The following ROBO1 variants were observed in gnomAD, a reference collection of about 807,000 sequenced individuals.
ROBO1 encodes the protein roundabout guidance receptor 1.
In ROBO1, 149 loss-of-function variants were observed where a neutral mutation model predicts 195.9. That is an observed-to-expected ratio of 0.76 (90% CI 0.67 to 0.87). The LOEUF is 0.87. Ranked by LOEUF, ROBO1 falls within the 40% of genes least tolerant of loss-of-function variation. The probability of loss-of-function intolerance (pLI) is 0.00; values close to 1 mark genes in which losing one functional copy is unlikely to be tolerated. For synonymous variants in ROBO1, 816 were observed against 733.2 expected (o/e 1.11, Z -1.82); for missense variants, 1,933 against 2,068.3 (o/e 0.93, Z 1.27).
intron 2 of ROBO1, among the ~76,000 whole-genome samples, chr3:79,531,303 C>G (rs2107612063): frequency 6.6e-6 from 1 of 152,226 alleles, no homozygotes; most frequent in South Asian, 2.1e-4. Flanking sequence ...TACTCAGCAG[C>G]TATGTAAATA....
chr3:79,124,130 G>A (rs1185587200), intron 3 of ROBO1, among the ~76,000 whole-genome samples: 3 of 151,960 alleles, frequency 2.0e-5, no homozygotes, highest in African/African-American at 7.2e-5. Context: ...TGGTATTGAC[G>A]GTATTAAGGG....
At chr3:78,932,131 G>T (rs912054137) in intron 4 of ROBO1, among the ~76,000 whole-genome samples, 2 of 152,098 alleles carry the variant, frequency 1.3e-5, no homozygotes, top group African/African-American at 4.8e-5. Context: ...ATATGAGAAA[G>T]ATTTCTAGCA....
At chr3:79,050,567 C>A (rs909508016) in intron 3 of ROBO1, among the ~76,000 whole-genome samples, 2 of 152,120 alleles carry the variant, frequency 1.3e-5, no homozygotes, top group Admixed American at 6.6e-5. Flanking sequence ...ATCTACTGAA[C>A]TCTCCACCCC....
intron 4 of ROBO1, among the ~76,000 whole-genome samples, chr3:78,772,728 A>AGAT (rs1483479526): frequency 5.3e-5 from 8 of 152,100 alleles, no homozygotes; most frequent in African/African-American, 1.9e-4. Flanking sequence ...GCCTCTACTC[A>AGAT]GATAGGTAAA....
At chr3:79,725,477 C>T (rs900522644) in intron 1 of ROBO1, among the ~76,000 whole-genome samples, 4 of 151,964 alleles carry the variant, frequency 2.6e-5, no homozygotes, top group Non-Finnish European at 4.4e-5. Flanking sequence ...CCGCCCGCCT[C>T]GGCCTCCCAA....
intron 3 of ROBO1, among the ~76,000 whole-genome samples, chr3:78,996,073 T>G (rs1947154): frequency 0.99 from 150,730 of 152,170 alleles, 74,661 homozygotes; most frequent in East Asian, 1. Context: ...CTAGAAGTCT[T>G]GATTTTTATG....
At chr3:79,698,965 A>G (rs1272900637) in intron 1 of ROBO1, among the ~76,000 whole-genome samples, 1 of 151,404 alleles carries the variant, frequency 6.6e-6, no homozygotes, top group East Asian at 1.9e-4. Context: ...AAAGTTTAAT[A>G]CAGGTCTGTA....
chr3:78,634,535 A>C (rs563653157), intron 23 of ROBO1: 264 of 349,610 alleles, frequency 7.6e-4, no homozygotes, highest in Non-Finnish European at 1.3e-3. Context: ...TGACATACCA[A>C]ATCTGCTTAC....
intron 2 of ROBO1, among the ~76,000 whole-genome samples, chr3:79,166,270 T>C (rs893262038): frequency 4.6e-5 from 7 of 152,108 alleles, no homozygotes; most frequent in African/African-American, 1.2e-4. Flanking sequence ...TAGAAAAAAA[T>C]AGAAATTGGA....
At chr3:78,706,074 G>T (rs1358968370) in intron 8 of ROBO1, among the ~76,000 whole-genome samples, 2 of 152,034 alleles carry the variant, frequency 1.3e-5, no homozygotes, top group Non-Finnish European at 2.9e-5. Context: ...CAGTCAAGCA[G>T]TTCAGACATT....
intron 3 of ROBO1, among the ~76,000 whole-genome samples, chr3:78,954,544 A>C (rs1427937298): frequency 1.1e-4 from 16 of 152,078 alleles, no homozygotes; most frequent in Admixed American, 1.0e-3. Context: ...GTTAGAACCA[A>C]TCAGACGTTT....
intron 3 of ROBO1, among the ~76,000 whole-genome samples, chr3:78,972,431 T>A (rs922748177): frequency 3.9e-5 from 6 of 152,194 alleles, no homozygotes; most frequent in Admixed American, 3.3e-4. Flanking sequence ...ATTTTGAGAA[T>A]TTGATGATAT....
intron 2 of ROBO1, among the ~76,000 whole-genome samples, chr3:79,257,829 TAA>T (rs372551181): frequency 1.4e-3 from 217 of 152,214 alleles, no homozygotes; most frequent in African/African-American, 5.0e-3. Context: ...AGGATGATAA[TAA>T]GAGTCACTCT....
At chr3:78,858,674 C>T (rs750468666) in intron 4 of ROBO1, among the ~76,000 whole-genome samples, 10 of 151,326 alleles carry the variant, frequency 6.6e-5, no homozygotes, top group African/African-American at 1.9e-4. Context: ...TGCTTGAGAA[C>T]GGGAGGTGGA....
At chr3:79,502,698 A>C (rs1301023111) in intron 2 of ROBO1, among the ~76,000 whole-genome samples, 2 of 151,518 alleles carry the variant, frequency 1.3e-5, no homozygotes, top group Non-Finnish European at 2.9e-5. Context: ...TCTAGTGGGG[A>C]CTTGGAGAAT....
chr3:78,863,873 A>T (rs2035002433), intron 4 of ROBO1, among the ~76,000 whole-genome samples: 1 of 152,196 alleles, frequency 6.6e-6, no homozygotes, highest in Admixed American at 6.5e-5. Flanking sequence ...CATATGTCTC[A>T]TCTGGGATAG....
At chr3:79,184,804 G>A (rs914347250) in intron 2 of ROBO1, among the ~76,000 whole-genome samples, 16 of 152,160 alleles carry the variant, frequency 1.1e-4, no homozygotes, top group African/African-American at 3.9e-4. Context: ...TTCCTATCAA[G>A]AGTTTCCTTC....
chr3:79,147,719 C>A (rs1330788826), intron 2 of ROBO1, among the ~76,000 whole-genome samples: 2 of 151,958 alleles, frequency 1.3e-5, no homozygotes, highest in East Asian at 1.9e-4. Flanking sequence ...CTATTGATTT[C>A]TTTTGGTGCT....
chr3:79,279,092 G>A (rs2031295702), intron 2 of ROBO1, among the ~76,000 whole-genome samples: 1 of 151,826 alleles, frequency 6.6e-6, no homozygotes, highest in Non-Finnish European at 1.5e-5. Flanking sequence ...TGGCCAACAT[G>A]TAGTTTCTAC....
Sources: gnomAD v4.1 joint callset for allele counts (sites outside exome capture counted in the v4.1 genomes callset) on GRCh38, gnomAD v4.1.1 for gene constraint, MANE v1.5 for transcripts, NCBI Gene and HGNC (gene_info 2026-07-23, HGNC 2026-07-21) for gene names.